The following AMDHD1 variants were observed in gnomAD, a reference collection of about 807,000 sequenced individuals.
AMDHD1 encodes amidohydrolase domain containing 1, also known as probable imidazolonepropionase.
AMDHD1 carries 45 observed loss-of-function variants against 44.1 expected under a neutral mutation model. That is an observed-to-expected ratio of 1.02 (90% confidence interval 0.80 to 1.31). The LOEUF (loss-of-function observed/expected upper bound fraction) is 1.31. AMDHD1 is among the 50% of genes most tolerant of loss of function. The probability of loss-of-function intolerance (pLI) is 0.00; values close to 1 mark genes in which losing one functional copy is unlikely to be tolerated. For missense variants in AMDHD1, 586 were observed against 552.1 expected (o/e 1.06, Z -0.61); for synonymous variants, 206 against 205.0 (o/e 1.00, Z -0.04).
At chr12:95,947,603 G>A (rs2080502569) in intron 1 of AMDHD1, among the ~76,000 whole-genome samples, 1 of 61,300 alleles carries the variant, frequency 1.6e-5, no homozygotes, top group South Asian at 6.7e-4. Context: ...CCGGACAGCC[G>A]TGCCGTCCAG....
intron 6 of AMDHD1, 36 bp downstream of exon 6, chr12:95,962,515 A>G: frequency 6.3e-7 from 1 of 1,576,500 alleles, no homozygotes; most frequent in South Asian, 1.1e-5. Flanking sequence ...AAGAGCTGCA[A>G]GTACAAGCTG....
At chr12:95,961,245 T>A (rs985339440) in intron 5 of AMDHD1, among the ~76,000 whole-genome samples, 2 of 152,200 alleles carry the variant, frequency 1.3e-5, no homozygotes, top group African/African-American at 4.8e-5. Context: ...ACTAGCACAG[T>A]ATATTAATTT....
chr12:95,960,732 G>A, intron 5 of AMDHD1, 109 bp downstream of exon 5: 3 of 1,164,398 alleles, frequency 2.6e-6, no homozygotes, highest in East Asian at 4.8e-5. Flanking sequence ...ATTGAATGGG[G>A]AAATTTGTTT....
intron 5 of AMDHD1, among the ~76,000 whole-genome samples, chr12:95,960,917 C>T (rs766973550): frequency 1.4e-4 from 22 of 151,958 alleles, no homozygotes; most frequent in African/African-American, 5.1e-4. Flanking sequence ...TTTGGGAGGC[C>T]GAGGTGGGTT....
rs368516863 is a variant in AMDHD1, at chr12:95,967,838, A to G, written c.1276A>G (p.Thr426Ala). Reference sequence around the variant, plus strand: ...AGCTAAAGGAAAACTCATCTATAAAACATGATAGATTTGAAAAGAGAAGAC... The same window carrying G: ...AGCTAAAGGAAAACTCATCTATAAAGCATGATAGATTTGAAAAGAGAAGAC... Reference protein sequence around the residue: ...VIAKGKLIYKT With the variant: ...VIAKGKLIYKA The change falls in exon 9 of 9, where the codon ACA becomes GCA. Residue 426 changes from threonine (T) to alanine (A), a missense_variant. Physicochemically the swap from Thr to Ala is moderately conservative, Grantham distance 58. Coordinates refer to ENST00000266736, the MANE Select transcript of AMDHD1 (RefSeq NM_152435.3). The G allele has an allele frequency of 6.3e-7, 1 of 1,576,954 alleles. No homozygotes were observed. Among genetic ancestry groups the G allele is most frequent in the African/African-American group, 1.4e-5 (1 of 73,142 alleles).
At chr12:95,955,235 C>A (rs2080544340) in intron 3 of AMDHD1, among the ~76,000 whole-genome samples, 2 of 152,308 alleles carry the variant, frequency 1.3e-5, no homozygotes, top group Admixed American at 1.3e-4. Context: ...AAATCGCTAT[C>A]TCTAGTAGCT....
chr12:95,963,395 A>G (rs1292893645), intron 6 of AMDHD1, among the ~76,000 whole-genome samples: 2 of 150,176 alleles, frequency 1.3e-5, no homozygotes, highest in East Asian at 3.9e-4. Flanking sequence ...AACAGCTCCC[A>G]AAACAAAGAA....
intron 1 of AMDHD1, 38 bp downstream of exon 1, chr12:95,943,573 G>A: frequency 7.1e-7 from 1 of 1,408,632 alleles, no homozygotes; most frequent in Non-Finnish European, 9.2e-7. Context: ...ACCGCCACGG[G>A]CGGAGCTGGC....
intron 3 of AMDHD1, 69 bp downstream of exon 3, chr12:95,955,044 A>G (rs2080543653): frequency 6.8e-7 from 1 of 1,475,256 alleles, no homozygotes; most frequent in South Asian, 1.1e-5. Flanking sequence ...AAGAGTTAGT[A>G]GGCTATCAAG....
chr12:95,961,977 A>G lies in AMDHD1; in HGVS notation c.814-378A>G, dbSNP rs940454794. ...AAACGCTGTTTCTCTTTATGGGAAA[A>G]ACAATTTAGGCCATGCTCGGTGGCT... On this transcript the variant is annotated intron_variant, in intron 5 of 8. Coordinates refer to ENST00000266736, the MANE Select transcript of AMDHD1 (RefSeq NM_152435.3). 2.6e-5 allele frequency among the ~76,000 whole-genome samples: 4 copies of G among 152,350 alleles called. No individual in the cohort carries two copies. In the East Asian group the frequency reaches 5.8e-4, roughly 22 times the overall value.
chr12:95,952,188 G>C (rs1282360521), intron 1 of AMDHD1, among the ~76,000 whole-genome samples: 1 of 152,140 alleles, frequency 6.6e-6, no homozygotes, highest in East Asian at 1.9e-4. Flanking sequence ...TTTTCCCAAG[G>C]TCTTCTTTGA....
At chr12:95,967,658 G>A in intron 8 of AMDHD1, 98 bp from the exon 9 acceptor site, 1 of 939,182 alleles carries the variant, frequency 1.1e-6, no homozygotes. Flanking sequence ...AAATAAATGT[G>A]TAGGGAATGC....
Position 95,943,499 on chromosome 12 carries a change from T to G in AMDHD1, c.101T>G (p.Leu34Arg). The G allele has an allele frequency of 6.7e-7, 1 of 1,497,256 alleles. No individual in the cohort carries two copies. Among genetic ancestry groups the G allele is most frequent in the African/African-American group, 1.5e-5 (1 of 68,952 alleles). 92.7% of individuals were successfully genotyped at this position (1,497,256 alleles called of 1,614,324 possible). A position where few individuals can be genotyped will look rare whatever the true frequency, so the allele number is the denominator to read the frequency against. The change falls in exon 1 of 9, where the codon CTG becomes CGG. Residue 34 changes from leucine (L) to arginine (R), a missense_variant. Transcript: ENST00000266736. ...CTGGCGCGGGATGCGCTGCGCAGCC[T>G]GGCGGTGCTGGAAGGCGCCAGCCTG... Reference protein sequence around the residue: ...RFLARDALRSLAVLEGASLVV... With the variant: ...RFLARDALRSRAVLEGASLVV...
chr12:95,949,140 T>TAAAAAAAA (rs1170844527), intron 1 of AMDHD1, among the ~76,000 whole-genome samples: 7 of 4,458 alleles, frequency 1.6e-3, no homozygotes, highest in Non-Finnish European at 1.9e-3. Context: ...AAAAATAAAT[T>TAAAAAAAA]AAAAAAAAAA....
At position 95,966,465 on chromosome 12, in the gene AMDHD1, G is replaced by A; in HGVS notation, c.1150G>A (p.Glu384Lys). Residue 384 changes from glutamate to lysine, a missense_variant, in exon 8 of 9, where the codon GAA becomes AAA. Coordinates refer to ENST00000266736, the MANE Select transcript of AMDHD1 (RefSeq NM_152435.3). ...LGKSHTHGSL[E>K]VGKQGDLIII... Reference sequence around the variant, plus strand: ...AAAGTCTCACACACACGGATCGTTGGAAGTTGGCAAACAGGGAGATCTCAT... The same window carrying A: ...AAAGTCTCACACACACGGATCGTTGAAAGTTGGCAAACAGGGAGATCTCAT... The A allele has an allele frequency of 6.2e-7, 1 of 1,614,246 alleles. No individual in the cohort carries two copies. The highest frequency in any genetic ancestry group is 8.5e-7 in the Non-Finnish European group (1 of 1,180,042).
In AMDHD1 at chr12:95,958,721, A is replaced by G. The variant is rs148494140; in HGVS notation, c.588-1677A>G. ...AATTACTCATCTGTGAAACAGAGCT[A>G]AATGCCACCCTATTCTATATGATTG... On this transcript the variant is annotated intron_variant, in intron 4 of 8. Transcript: ENST00000266736. Among the ~76,000 whole-genome samples, 663 of 152,316 alleles carry G rather than the reference A, an allele frequency of 4.4e-3. 23 individuals carry two copies. Among genetic ancestry groups the G allele is most frequent in the Admixed American group, 0.039 (590 of 15,298 alleles).
rs1210360837 is a variant in AMDHD1 at position 95,949,159 on chromosome 12, AG to A, written c.138-3557del. Among the ~76,000 whole-genome samples, 46 of 18,258 alleles carry A rather than the reference AG, an allele frequency of 2.5e-3. 3 individuals are homozygous for A. The highest frequency in any genetic ancestry group is 4.1e-3 in the South Asian group (2 of 490). The allele number at this position is 18,258 out of a possible 152,430, so 12.0% of individuals were successfully genotyped here. On this transcript the variant is annotated intron_variant, in intron 1 of 8. Coordinates refer to ENST00000266736, the MANE Select transcript of AMDHD1 (RefSeq NM_152435.3). The stretch of plus-strand genomic sequence containing the variant: ...ATAAATTAAAAAAAAAAAAAAAAAA[AG>A]AAAAAAAAAAAAAAAAAAGAGACTG...
chr12:95,952,235 T>C (rs1375655878), intron 1 of AMDHD1, among the ~76,000 whole-genome samples: 1 of 152,204 alleles, frequency 6.6e-6, no homozygotes, highest in Middle Eastern at 3.2e-3. Context: ...TTTCAGTCTT[T>C]AACCCATTTA....
At chr12:95,965,573 T>C (rs1349352158) in intron 6 of AMDHD1, 113 bp from the exon 7 acceptor site, 1 of 590,890 alleles carries the variant, frequency 1.7e-6, no homozygotes, top group East Asian at 2.9e-5. Flanking sequence ...GAGTTTCTGC[T>C]TCTTCTTCCA....
Sources: allele counts gnomAD v4.1 joint callset (sites outside exome capture counted in the v4.1 genomes callset), GRCh38; gene constraint gnomAD v4.1.1; transcripts MANE v1.5; gene names NCBI Gene and HGNC (gene_info 2026-07-23, HGNC 2026-07-21).